EPHB2: variants seen among roughly 807,000 people sequenced by gnomAD.
The protein encoded by EPHB2 is ephrin type-B receptor 2.
In EPHB2, 18 loss-of-function variants were observed where a neutral mutation model predicts 96.4. That is an observed-to-expected ratio of 0.19 (90% CI 0.13 to 0.28). EPHB2 has a LOEUF of 0.28. Among genes scored for constraint, EPHB2 ranks in the 10% least tolerant of loss-of-function variants. The probability of loss-of-function intolerance (pLI) is 1.00; values close to 1 mark genes in which losing one functional copy is unlikely to be tolerated. For synonymous variants in EPHB2, 506 were observed against 534.1 expected (o/e 0.95, Z 0.72); for missense variants, 989 against 1,355.4 (o/e 0.73, Z 4.25).
At chr1:22,901,313 G>A (rs1639740082) in intron 9 of EPHB2, among the ~76,000 whole-genome samples, 1 of 152,140 alleles carries the variant, frequency 6.6e-6, no homozygotes, top group African/African-American at 2.4e-5. Flanking sequence ...TCGGGTAGGT[G>A]AAAAAAGTGA....
Position 22,864,922 on chromosome 1 carries a change from C to G in EPHB2, c.1013C>G (p.Thr338Ser). Reference protein sequence around the residue: ...PQAVISSVNETSLMLEWTPPR... With the variant: ...PQAVISSVNESSLMLEWTPPR... The stretch of plus-strand genomic sequence containing the variant: ...GCTGTGATTTCCAGTGTCAATGAGA[C>G]CTCCCTCATGCTGGAGTGGACCCCT... The change falls in exon 5 of 16, where the codon ACC becomes AGC. Residue 338 changes from threonine (T) to serine (S), a missense_variant. Thr to Ser is a moderately conservative substitution (Grantham distance 58). Coordinates refer to ENST00000374630, the MANE Select transcript of EPHB2 (RefSeq NM_017449.5). 1 of 1,608,150 alleles carries G rather than the reference C, an allele frequency of 6.2e-7. No individual in the cohort carries two copies. The highest frequency in any genetic ancestry group is 8.5e-7 in the Non-Finnish European group (1 of 1,177,294).
intron 5 of EPHB2, among the ~76,000 whole-genome samples, chr1:22,865,993 G>A (rs967953513): frequency 1.3e-5 from 2 of 151,608 alleles, no homozygotes; most frequent in African/African-American, 4.9e-5. Flanking sequence ...CCTCCACCCT[G>A]TTCTCTCTCT....
Position 22,910,397 on chromosome 1 carries a change from G to A in EPHB2, c.2518G>A (p.Glu840Lys). 2.5e-6 allele frequency: 4 copies of A among 1,614,146 alleles called. No individual in the cohort carries two copies. Among genetic ancestry groups the A allele is most frequent in the Non-Finnish European group, 3.4e-6 (4 of 1,180,014 alleles). ...MTNQDVINAI[E>K]QDYRLPPPMD... ...ATTGTCCCAGGTAATCAATGCCATTGAGCAGGACTATCGGCTGCCACCGCC... is the reference window on the plus strand; with the variant it reads ...ATTGTCCCAGGTAATCAATGCCATTAAGCAGGACTATCGGCTGCCACCGCC... The change falls in exon 14 of 16, where the codon GAG becomes AAG. Residue 840 changes from glutamate (E) to lysine (K), a missense_variant. Transcript: ENST00000374630.
chr1:22,842,696 G>C (rs905809071), intron 3 of EPHB2, among the ~76,000 whole-genome samples: 1 of 152,118 alleles, frequency 6.6e-6, no homozygotes, highest in Non-Finnish European at 1.5e-5. Flanking sequence ...TTCCCACTCA[G>C]TTCCCCCATA....
intron 3 of EPHB2, among the ~76,000 whole-genome samples, chr1:22,855,928 A>G (rs1414744969): frequency 1.3e-5 from 2 of 151,976 alleles, no homozygotes; most frequent in Non-Finnish European, 2.9e-5. Context: ...ATTTCATCAG[A>G]CCTCCTGCTC....
At chr1:22,878,742 T>A (rs1638927393) in intron 5 of EPHB2, among the ~76,000 whole-genome samples, 1 of 152,202 alleles carries the variant, frequency 6.6e-6, no homozygotes. Flanking sequence ...TACGGGTCTG[T>A]TGGACTCCAC....
At position 22,808,583 on chromosome 1, in the gene EPHB2, A is replaced by G. The variant is rs1237250621; in HGVS notation, c.811+23507A>G. 3.3e-5 allele frequency among the ~76,000 whole-genome samples: 5 copies of G among 152,244 alleles called. No homozygotes were observed. The East Asian group carries it at 9.6e-4, about 29-fold the overall frequency. On this transcript the variant is annotated intron_variant, in intron 3 of 15. Coordinates refer to ENST00000374630, the MANE Select transcript of EPHB2 (RefSeq NM_017449.5). ...CAAGTCCAATGCTCACATTTTGCAG[A>G]TGAGAACATCCAAATAGTATGCTTC...
intron 3 of EPHB2, among the ~76,000 whole-genome samples, chr1:22,803,211 C>T (rs1030432422): frequency 6.6e-6 from 1 of 152,168 alleles, no homozygotes; most frequent in African/African-American, 2.4e-5. Flanking sequence ...GCTGCCTGGG[C>T]CGGGCAGGAC....
chr1:22,824,934 CAG>C (rs1645202688), intron 3 of EPHB2, among the ~76,000 whole-genome samples: 1 of 152,244 alleles, frequency 6.6e-6, no homozygotes, highest in Admixed American at 6.5e-5. Context: ...GAGCTGGTAA[CAG>C]AGCCTGGCTC....
intron 6 of EPHB2, among the ~76,000 whole-genome samples, chr1:22,887,107 G>A (rs1639251422): frequency 6.6e-6 from 1 of 152,082 alleles, no homozygotes. Flanking sequence ...GTGTGCAGAG[G>A]AAGAACCAGA....
chr1:22,846,080 G>A lies in EPHB2; in HGVS notation c.812-16957G>A, dbSNP rs1449479024. ...GGATCCCTGCAGAGGAGCCCAGGATGCCCAGGTACCTGCTCTGCTGCAAAG... is the reference window on the plus strand; with the variant it reads ...GGATCCCTGCAGAGGAGCCCAGGATACCCAGGTACCTGCTCTGCTGCAAAG... On this transcript the variant is annotated intron_variant, in intron 3 of 15. Transcript: ENST00000374630. This position sits in a 1 kb window ranked among gnomAD's most constrained non-coding sequence, Gnocchi z 4.3. Among the ~76,000 whole-genome samples the A allele has an allele frequency of 6.6e-6, 1 of 152,110 alleles. No homozygotes were observed. The highest frequency in any genetic ancestry group is 1.5e-5 in the Non-Finnish European group (1 of 67,998).
chr1:22,770,229 A>G (rs1644359989), intron 1 of EPHB2, among the ~76,000 whole-genome samples: 1 of 152,102 alleles, frequency 6.6e-6, no homozygotes, highest in Non-Finnish European at 1.5e-5. Context: ...AGATGTCAAG[A>G]TAGTTTATGG....
At chr1:22,761,882 G>A (rs1428798082) in intron 1 of EPHB2, among the ~76,000 whole-genome samples, 1 of 152,238 alleles carries the variant, frequency 6.6e-6, no homozygotes, top group Non-Finnish European at 1.5e-5. Context: ...TTGGTTGCCA[G>A]CTCTGGCTCC....
rs927558039 is a variant in EPHB2, at chr1:22,919,591, A to T, written c.*6021A>T. 1.3e-5 allele frequency: 2 copies of T among 152,878 alleles called. No homozygotes were observed. Among genetic ancestry groups the T allele is most frequent in the African/African-American group, 2.4e-5 (1 of 41,430 alleles). 9.5% of individuals were successfully genotyped at this position (152,878 alleles called of 1,614,324 possible). ...CTAGAGCTACAGATGCCCCACCACC[A>T]CTACCAAGCCCGGCTACCCAGACCA... On this transcript the variant is annotated 3_prime_UTR_variant, in exon 16 of 16. Coordinates refer to ENST00000374630, the MANE Select transcript of EPHB2 (RefSeq NM_017449.5).
At chr1:22,864,078 T>C (rs924895123) in intron 4 of EPHB2, among the ~76,000 whole-genome samples, 5 of 147,530 alleles carry the variant, frequency 3.4e-5, no homozygotes, top group African/African-American at 1.3e-4. Context: ...TTTCACTCTG[T>C]CGCCCAGGCT....
Position 22,906,747 on chromosome 1 carries a change from G to T in EPHB2, c.1926G>T (p.Leu642=), listed in dbSNP as rs1388891350. Residue 642 remains leucine, a synonymous_variant, in exon 11 of 16, where the codon CTG becomes CTT. Coordinates refer to ENST00000374630, the MANE Select transcript of EPHB2 (RefSeq NM_017449.5). The surrounding 1 kb of genome is among the most constrained non-coding windows in gnomAD (Gnocchi z 4.8). The part of the protein sequence containing the change: ...FGEVCSGHLK[L]PGKREIFVAI... ...AGGTCTGCAGTGGCCACCTGAAGCT[G>T]CCAGGCAAGAGAGAGATCTTTGTGG... The T allele has an allele frequency of 1.9e-6, 3 of 1,614,190 alleles. No individual in the cohort carries two copies. Among genetic ancestry groups the T allele is most frequent in the East Asian group, 4.5e-5 (2 of 44,878 alleles).
chr1:22,875,314 C>T lies in EPHB2; in HGVS notation c.1304-7045C>T, dbSNP rs1421728728. Among the ~76,000 whole-genome samples, 1 of 152,176 alleles carries T rather than the reference C, an allele frequency of 6.6e-6. No homozygotes were observed. The highest frequency in any genetic ancestry group is 1.5e-5 in the Non-Finnish European group (1 of 68,040). On this transcript the variant is annotated intron_variant, in intron 5 of 15. Coordinates refer to ENST00000374630, the MANE Select transcript of EPHB2 (RefSeq NM_017449.5). The surrounding 1 kb of genome is among the most constrained non-coding windows in gnomAD (Gnocchi z 4.2). ...GATGAGCTGGGAATTCTAAGAGTCC[C>T]GTCCCAAGTAAACTGTCCCTGCTAC...
chr1:22,893,125 G>A (rs186472791), intron 7 of EPHB2, 79 bp downstream of exon 7: 15 of 1,607,942 alleles, frequency 9.3e-6, no homozygotes, highest in Non-Finnish European at 1.2e-5. Flanking sequence ...TTCTCATGAA[G>A]CACCTTTGTG....
intron 3 of EPHB2, among the ~76,000 whole-genome samples, chr1:22,785,704 A>G (rs777898813): frequency 7.2e-5 from 11 of 152,254 alleles, no homozygotes; most frequent in Non-Finnish European, 8.8e-5. Context: ...CGCCCCCGCC[A>G]TAACCTCTGT....
Sources: allele counts gnomAD v4.1 joint callset (sites outside exome capture counted in the v4.1 genomes callset), GRCh38; gene constraint gnomAD v4.1.1; non-coding constraint Gnocchi (gnomAD v3.1); transcripts MANE v1.5; gene names NCBI Gene and HGNC (gene_info 2026-07-23, HGNC 2026-07-21).